The following ERCC4 variants were observed in gnomAD, a reference collection of about 807,000 sequenced individuals.
The protein encoded by ERCC4 is ERCC excision repair 4, endonuclease catalytic subunit, also known as DNA repair endonuclease XPF.
In ERCC4, 65 loss-of-function variants were observed where a neutral mutation model predicts 76.9. The observed-to-expected ratio is 0.84, with a 90% CI of 0.69 to 1.04. ERCC4 has a LOEUF of 1.04. Ranked by LOEUF, ERCC4 falls within the 50% of genes least tolerant of loss-of-function variation. The pLI is 0.00. For missense variants in ERCC4, 1,214 were observed against 1,128.2 expected (o/e 1.08, Z -1.09); for synonymous variants, 463 against 410.1 (o/e 1.13, Z -1.56).
chr16:13,921,305 T>C (rs1183102004), intron 1 of ERCC4, among the ~76,000 whole-genome samples: 1 of 152,040 alleles, frequency 6.6e-6, no homozygotes, highest in Admixed American at 6.6e-5. Flanking sequence ...TTAAGGACAA[T>C]GGAGAACACT....
At chr16:13,944,907 C>T in intron 10 of ERCC4, 72 bp downstream of exon 10, 1 of 997,220 alleles carries the variant, frequency 1.0e-6, no homozygotes, top group Non-Finnish European at 1.6e-6. Flanking sequence ...GTTACTCTGC[C>T]AAGGCTTGGT....
At position 13,951,190 on chromosome 16, in the gene ERCC4, G is replaced by C; in HGVS notation, c.*2843G>C. ...TTTTTTTACAATCTAATAATCTTTG[G>C]TAAAGGAACTAGAGATGCATGCAGT... On this transcript the variant is annotated 3_prime_UTR_variant, in exon 11 of 11. Coordinates refer to ENST00000311895, the MANE Select transcript of ERCC4 (RefSeq NM_005236.3). 5.4e-6 allele frequency: 1 copy of C among 184,172 alleles called. No individual in the cohort carries two copies. Among genetic ancestry groups the C allele is most frequent in the South Asian group, 2.0e-4 (1 of 5,068 alleles). The allele number at this position is 184,172 out of a possible 1,614,324, so 11.4% of individuals were successfully genotyped here. A position where few individuals can be genotyped will look rare whatever the true frequency, so the allele number is the denominator to read the frequency against.
At chr16:13,944,160 T>C (rs1010165546) in intron 9 of ERCC4, 2 of 156,824 alleles carry the variant, frequency 1.3e-5, no homozygotes, top group Non-Finnish European at 2.8e-5. Flanking sequence ...TAATCTCTGA[T>C]AGAAATTTGA....
chr16:13,920,483 C>G, intron 1 of ERCC4, 111 bp downstream of exon 1: 1 of 965,134 alleles, frequency 1.0e-6, no homozygotes, highest in Non-Finnish European at 1.6e-6. Context: ...GATTCAGGCC[C>G]CTGACACTAC....
At chr16:13,939,572 G>A (rs535535228) in intron 9 of ERCC4, among the ~76,000 whole-genome samples, 2 of 152,038 alleles carry the variant, frequency 1.3e-5, no homozygotes, top group African/African-American at 2.4e-5. Flanking sequence ...GAACAAAGGC[G>A]TGCACGAAGG....
Position 13,951,749 on chromosome 16 carries a change from G to C in ERCC4, c.*3402G>C, listed in dbSNP as rs2032632985. Reference sequence around the variant, plus strand: ...AAAGCAAATCCGAAGAAGTGGGGCAGGGGGAAAGAGGCATTACTGGTCTTT... The same window carrying C: ...AAAGCAAATCCGAAGAAGTGGGGCACGGGGAAAGAGGCATTACTGGTCTTT... On this transcript the variant is annotated 3_prime_UTR_variant, in exon 11 of 11. Transcript: ENST00000311895. 4.5e-6 allele frequency: 1 copy of C among 221,692 alleles called. No individual in the cohort carries two copies. The highest frequency in any genetic ancestry group is 6.6e-5 in the East Asian group (1 of 15,200). The allele number at this position is 221,692 out of a possible 1,614,324, so 13.7% of individuals were successfully genotyped here.
intron 1 of ERCC4, 93 bp from the exon 2 acceptor site, chr16:13,921,938 C>T (rs2031984341): frequency 3.8e-6 from 3 of 793,512 alleles, no homozygotes; most frequent in Non-Finnish European, 6.4e-6. Flanking sequence ...TTCATTATCT[C>T]AGAGAAAGAC....
At position 13,937,720 on chromosome 16, in the gene ERCC4, T is replaced by C. The variant is rs929036007; in HGVS notation, c.1812-46T>C. ...ATGTTCTGCTGTTCCTTTCAGGGAT[T>C]AAAAATGCTGTTTTTCCAACCTAAA... On this transcript the variant is annotated intron_variant, in intron 8 of 10. Transcript: ENST00000311895. 1.2e-5 allele frequency: 15 copies of C among 1,214,392 alleles called. No individual in the cohort carries two copies. In the Admixed American group the frequency reaches 2.0e-4, roughly 16 times the overall value. The allele number at this position is 1,214,392 out of a possible 1,614,324, so 75.2% of individuals were successfully genotyped here.
intron 2 of ERCC4, 178 bp downstream of exon 2, chr16:13,922,389 G>A: frequency 1.3e-6 from 1 of 760,062 alleles, no homozygotes; most frequent in Non-Finnish European, 2.4e-6. Flanking sequence ...ATCTGGGTGG[G>A]GGTGTTCGGT....
intron 9 of ERCC4, among the ~76,000 whole-genome samples, chr16:13,941,145 G>A (rs975148692): frequency 6.6e-6 from 1 of 152,118 alleles, no homozygotes; most frequent in Non-Finnish European, 1.5e-5. Context: ...TATACATACT[G>A]GAAAACCTCA....
rs1450668788 is a variant in ERCC4, at chr16:13,948,603, T to A, written c.*256T>A. 1.0e-5 allele frequency: 5 copies of A among 493,704 alleles called. No homozygotes were observed. Among genetic ancestry groups the A allele is most frequent in the Non-Finnish European group, 1.5e-5 (4 of 272,130 alleles). The allele number at this position is 493,704 out of a possible 1,614,324, so 30.6% of individuals were successfully genotyped here. Reference sequence around the variant, plus strand: ...CATGTTTCTTTTTAAATGAGGTTTGTCAGGATCAGGTAAAGTTCCTACAAG... The same window carrying A: ...CATGTTTCTTTTTAAATGAGGTTTGACAGGATCAGGTAAAGTTCCTACAAG... On this transcript the variant is annotated 3_prime_UTR_variant, in exon 11 of 11. Transcript: ENST00000311895.
intron 8 of ERCC4, 39 bp downstream of exon 8, chr16:13,935,782 CT>C: frequency 7.0e-7 from 1 of 1,434,094 alleles, no homozygotes; most frequent in Non-Finnish European, 9.8e-7. Context: ...TTGCACAGTT[CT>C]TTAGGATTTA....
rs1412487549 is a variant in ERCC4, at chr16:13,926,819, C to G, written c.584+63C>G. On this transcript the variant is annotated intron_variant, in intron 3 of 10. Coordinates refer to ENST00000311895, the MANE Select transcript of ERCC4 (RefSeq NM_005236.3). ...TTGTCATCTTTGTTTGTGAGATCTA[C>G]TGTAACTTAGTTGCACTTTGATGTA... The G allele has an allele frequency of 4.6e-6, 6 of 1,301,800 alleles. No individual in the cohort carries two copies. The African/African-American group carries it at 5.8e-5, about 13-fold the overall frequency. The allele number at this position is 1,301,800 out of a possible 1,614,324, so 80.6% of individuals were successfully genotyped here.
In ERCC4 at chr16:13,950,711, A is replaced by G. The variant is rs542729521; in HGVS notation, c.*2364A>G. The G allele has an allele frequency of 7.3e-5, 14 of 193,090 alleles. No homozygotes were observed. Among genetic ancestry groups the G allele is most frequent in the Admixed American group, 4.9e-4 (8 of 16,294 alleles). The allele number at this position is 193,090 out of a possible 1,614,324, so 12.0% of individuals were successfully genotyped here. A position where few individuals can be genotyped will look rare whatever the true frequency, so the allele number is the denominator to read the frequency against. ...CTTCTGCTTGCAGTATGTGGTTTCT[A>G]TTTTTTTCCTCTTGTATAATTCCAC... On this transcript the variant is annotated 3_prime_UTR_variant, in exon 11 of 11. Coordinates refer to ENST00000311895, the MANE Select transcript of ERCC4 (RefSeq NM_005236.3).
chr16:13,937,654 C>G (rs1304370597), intron 8 of ERCC4, 112 bp from the exon 9 acceptor site: 3 of 743,198 alleles, frequency 4.0e-6, no homozygotes, highest in Admixed American at 3.9e-5. Flanking sequence ...GATTCTTAGT[C>G]AAATATTTGT....
Position 13,929,614 on chromosome 16 carries a change from G to A in ERCC4, c.793-1096G>A, listed in dbSNP as rs542209861. Among the ~76,000 whole-genome samples the A allele has an allele frequency of 5.3e-5, 8 of 152,308 alleles. No individual in the cohort carries two copies. The East Asian group carries it at 1.5e-3, about 29-fold the overall frequency. On this transcript the variant is annotated intron_variant, in intron 4 of 10. Coordinates refer to ENST00000311895, the MANE Select transcript of ERCC4 (RefSeq NM_005236.3). ...CATATACATAGCTGTGGATATGTAG[G>A]TACCTACATAGTGTATACATAAAGC... is the stretch of plus-strand genomic sequence containing the variant.
chr16:13,932,318 T>G (rs758458008), intron 6 of ERCC4, 33 bp downstream of exon 6: 2 of 1,592,066 alleles, frequency 1.3e-6, no homozygotes, highest in Non-Finnish European at 1.7e-6. Flanking sequence ...TAAATGTGTT[T>G]TTTATTTCGG....
rs1483223116 is a variant in ERCC4, at chr16:13,950,757, A to G, written c.*2410A>G. 6 of 192,920 alleles carry G rather than the reference A, an allele frequency of 3.1e-5. No homozygotes were observed. The highest frequency in any genetic ancestry group is 5.4e-5 in the Non-Finnish European group (5 of 92,644). The allele number at this position is 192,920 out of a possible 1,614,324, so 12.0% of individuals were successfully genotyped here. On this transcript the variant is annotated 3_prime_UTR_variant, in exon 11 of 11. Coordinates refer to ENST00000311895, the MANE Select transcript of ERCC4 (RefSeq NM_005236.3). The stretch of plus-strand genomic sequence containing the variant: ...TCCACTTGCTTTTAATTGTTGTTTC[A>G]TTATATAAAAGGAACATCTTCCCAT...
chr16:13,943,555 C>G (rs1002574644), intron 9 of ERCC4, among the ~76,000 whole-genome samples: 22 of 152,208 alleles, frequency 1.4e-4, no homozygotes, highest in African/African-American at 5.3e-4. Context: ...TTCCAGGACA[C>G]ATGGGGATTA....
Sources: allele counts gnomAD v4.1 joint callset (sites outside exome capture counted in the v4.1 genomes callset), GRCh38; gene constraint gnomAD v4.1.1; transcripts MANE v1.5; gene names NCBI Gene and HGNC (gene_info 2026-07-23, HGNC 2026-07-21).